KIF16B: variants seen among roughly 807,000 people sequenced by gnomAD.
KIF16B encodes kinesin-like protein KIF16B.
In KIF16B, 98 loss-of-function variants were observed where a neutral mutation model predicts 156.3. The observed-to-expected ratio is 0.63, with a 90% CI of 0.53 to 0.74. The LOEUF (loss-of-function observed/expected upper bound fraction) is 0.74. Among genes scored for constraint, KIF16B ranks in the 30% least tolerant of loss-of-function variants. KIF16B has a pLI of 0.00. For synonymous variants in KIF16B, 564 were observed against 583.7 expected (o/e 0.97, Z 0.49); for missense variants, 1,421 against 1,606.5 (o/e 0.88, Z 1.97).
chr20:16,375,882 C>G (rs531214641), intron 19 of KIF16B, among the ~76,000 whole-genome samples: 2 of 152,264 alleles, frequency 1.3e-5, no homozygotes, highest in South Asian at 4.1e-4. Context: ...AAGGGACAAG[C>G]TGGCCTTCCC....
At chr20:16,310,379 G>A (rs1223456899) in intron 25 of KIF16B, among the ~76,000 whole-genome samples, 2 of 152,202 alleles carry the variant, frequency 1.3e-5, no homozygotes, top group Non-Finnish European at 2.9e-5. Context: ...CAATGAAAGA[G>A]TGCCCTGAAC....
chr20:16,494,967 C>T (rs6044030), intron 11 of KIF16B, among the ~76,000 whole-genome samples: 36,343 of 152,110 alleles, frequency 0.24, 4,958 homozygotes, highest in East Asian at 0.36. Context: ...CACGCTCAAC[C>T]GCTGAACACA....
In KIF16B at chr20:16,525,878, GA is replaced by G. The variant is rs571456847; in HGVS notation, c.231+213del. Among the ~76,000 whole-genome samples, 40 of 150,502 alleles carry G rather than the reference GA, an allele frequency of 2.7e-4. No homozygotes were observed. The East Asian group carries it at 7.0e-3, about 26-fold the overall frequency. On this transcript the variant is annotated intron_variant, in intron 3 of 25. Transcript: ENST00000354981. ...AATTATCATCATTATGCTCAAAGGT[GA>G]AAAAAAAATCAATCTTTTGAGAACT...
rs769809609 is a variant in KIF16B, at chr20:16,497,667, T to C, written c.1188A>G (p.Leu396=). Residue 396 remains leucine (L), a synonymous_variant, in exon 11 of 26, where the codon TTA becomes TTG. Coordinates refer to ENST00000354981, the MANE Select transcript of KIF16B (RefSeq NM_024704.5). ...LLAQGNQIAL[L]DSPTALSMEE... ...CCATACTTAAAGCTGTGGGGGAGTC[T>C]AAGAGGGCAATCTACAATATAAACC... 4 of 1,608,840 alleles carry C rather than the reference T, an allele frequency of 2.5e-6. No homozygotes were observed. Among genetic ancestry groups the C allele is most frequent in the Non-Finnish European group, 3.4e-6 (4 of 1,175,626 alleles).
At chr20:16,412,587 T>C (rs1000865494) in intron 15 of KIF16B, among the ~76,000 whole-genome samples, 9 of 152,122 alleles carry the variant, frequency 5.9e-5, no homozygotes, top group Non-Finnish European at 1.3e-4. Context: ...CCTCTTTACA[T>C]GGCAGCAAGA....
At chr20:16,555,302 AGAG>A (rs2070807534) in intron 1 of KIF16B, among the ~76,000 whole-genome samples, 1 of 152,248 alleles carries the variant, frequency 6.6e-6, no homozygotes, top group South Asian at 2.1e-4. Flanking sequence ...ACTGTACAGA[AGAG>A]GATATGAGAC....
intron 11 of KIF16B, among the ~76,000 whole-genome samples, chr20:16,496,495 T>A: frequency 6.6e-6 from 1 of 152,204 alleles, no homozygotes; most frequent in East Asian, 1.9e-4. Context: ...GATCAGGTGA[T>A]GAGATTTATA....
chr20:16,421,385 C>G (rs1391950314), intron 15 of KIF16B, among the ~76,000 whole-genome samples: 1 of 151,992 alleles, frequency 6.6e-6, no homozygotes, highest in African/African-American at 2.4e-5. Flanking sequence ...TGATATAACC[C>G]CCTCCTTCTT....
At chr20:16,520,290 C>T (rs1226660511) in intron 3 of KIF16B, among the ~76,000 whole-genome samples, 2 of 152,140 alleles carry the variant, frequency 1.3e-5, no homozygotes, top group African/African-American at 2.4e-5. Flanking sequence ...TTGAAATTCT[C>T]GCTGCCAGCA....
intron 12 of KIF16B, among the ~76,000 whole-genome samples, chr20:16,470,698 T>C (rs1170183288): frequency 2.0e-5 from 3 of 150,914 alleles, no homozygotes; most frequent in African/African-American, 2.4e-5. Context: ...GGTTTCACCA[T>C]GTTGCCCAGG....
intron 18 of KIF16B, among the ~76,000 whole-genome samples, chr20:16,380,550 GACA>G (rs763374592): frequency 3.9e-5 from 6 of 152,160 alleles, no homozygotes; most frequent in South Asian, 2.1e-4. Flanking sequence ...GTTGTTACAA[GACA>G]ACATTAAATA....
At chr20:16,303,511 C>A (rs2063500847) in intron 25 of KIF16B, among the ~76,000 whole-genome samples, 1 of 152,228 alleles carries the variant, frequency 6.6e-6, no homozygotes, top group African/African-American at 2.4e-5. Flanking sequence ...TGTGGTAGAG[C>A]AAGCACTCAA....
intron 12 of KIF16B, among the ~76,000 whole-genome samples, chr20:16,446,093 C>T (rs539914723): frequency 6.6e-6 from 1 of 152,206 alleles, no homozygotes; most frequent in African/African-American, 2.4e-5. Flanking sequence ...TCTTCAATGT[C>T]CCATAAAAAG....
chr20:16,528,468 TAGAAG>T (rs2069631231), intron 1 of KIF16B, 28 bp from the exon 2 acceptor site: 2 of 1,458,656 alleles, frequency 1.4e-6, no homozygotes, highest in Non-Finnish European at 1.9e-6. Flanking sequence ...CAGTAGTGGT[TAGAAG>T]AGAAAAGATT....
chr20:16,321,576 A>C lies in KIF16B; in HGVS notation c.3712-9158T>G, dbSNP rs990282350. 2.6e-5 allele frequency among the ~76,000 whole-genome samples: 4 copies of C among 152,122 alleles called. No homozygotes were observed. In the East Asian group the frequency reaches 7.7e-4, roughly 29 times the overall value. ...GATTAAAATCTCCCTACACAGCGTT[A>C]GAAGTAACACTTTAGATACCATGGA... On this transcript the variant is annotated intron_variant, in intron 24 of 25. Transcript: ENST00000354981.
chr20:16,504,576 T>G, intron 9 of KIF16B, 29 bp from the exon 10 acceptor site: 1 of 1,589,192 alleles, frequency 6.3e-7, no homozygotes, highest in East Asian at 2.2e-5. Context: ...AAAAATAATT[T>G]ATCCAGCACT....
chr20:16,529,192 G>A (rs2069658829), intron 1 of KIF16B, among the ~76,000 whole-genome samples: 1 of 152,162 alleles, frequency 6.6e-6, no homozygotes, highest in African/African-American at 2.4e-5. Flanking sequence ...GAAAAAAAGG[G>A]AAATTGAGGA....
intron 22 of KIF16B, chr20:16,369,059 G>T: frequency 1.0e-6 from 1 of 985,828 alleles, no homozygotes; most frequent in Non-Finnish European, 1.2e-6. Context: ...AATACCTCGG[G>T]TACTGAGGAC....
At chr20:16,380,295 C>T in intron 18 of KIF16B, 132 bp from the exon 19 acceptor site, 1 of 774,348 alleles carries the variant, frequency 1.3e-6, no homozygotes, top group Non-Finnish European at 1.8e-6. Context: ...AGAAGAGTAA[C>T]TGCTTTCCTT....
Sources: gnomAD v4.1 joint callset for allele counts (sites outside exome capture counted in the v4.1 genomes callset) on GRCh38, gnomAD v4.1.1 for gene constraint, MANE v1.5 for transcripts, NCBI Gene and HGNC (gene_info 2026-07-23, HGNC 2026-07-21) for gene names.